Variants in DAB1 observed in about 807,000 individuals in gnomAD.
DAB1 encodes the protein disabled homolog 1.
DAB1 carries 15 observed loss-of-function variants against 64.6 expected under a neutral mutation model. The observed-to-expected ratio is 0.23, with a 90% CI of 0.16 to 0.36. DAB1 has a LOEUF of 0.36. Among genes scored for constraint, DAB1 ranks in the 10% least tolerant of loss-of-function variants. DAB1 has a pLI of 1.00. For synonymous variants in DAB1, 235 were observed against 251.9 expected (o/e 0.93, Z 0.64); for missense variants, 596 against 706.7 (o/e 0.84, Z 1.78).
At chr1:57,037,023 C>T (rs991006506) in intron 9 of DAB1, among the ~76,000 whole-genome samples, 2 of 152,166 alleles carry the variant, frequency 1.3e-5, no homozygotes, top group East Asian at 3.9e-4. Context: ...CTGTGGTTCT[C>T]ACTCCTGACT....
At chr1:57,619,068 G>A (rs975443496) in intron 7 of DAB1, among the ~76,000 whole-genome samples, 1 of 152,206 alleles carries the variant, frequency 6.6e-6, no homozygotes, top group African/African-American at 2.4e-5. Flanking sequence ...CAAACAATGT[G>A]CTCATTTTGT....
chr1:58,466,958 G>A (rs892208607), intron 3 of DAB1, among the ~76,000 whole-genome samples: 8 of 152,204 alleles, frequency 5.3e-5, no homozygotes, highest in African/African-American at 1.9e-4. Flanking sequence ...GAATGAATAT[G>A]TGAATACATG....
intron 6 of DAB1, among the ~76,000 whole-genome samples, chr1:57,715,114 A>G (rs1352499484): frequency 6.6e-6 from 1 of 152,234 alleles, no homozygotes. Context: ...GGATGCAAAG[A>G]TGGTTCAACA....
intron 7 of DAB1, among the ~76,000 whole-genome samples, chr1:57,452,335 C>T (rs1418072380): frequency 1.3e-5 from 2 of 151,924 alleles, no homozygotes; most frequent in East Asian, 3.9e-4. Context: ...TCACAAGAGA[C>T]TGATGAATAT....
At chr1:58,104,031 C>CT (rs1229292294) in intron 5 of DAB1, among the ~76,000 whole-genome samples, 2 of 152,184 alleles carry the variant, frequency 1.3e-5, no homozygotes, top group Admixed American at 1.3e-4. Flanking sequence ...TCCAAGAAGT[C>CT]TTTTTCTAGA....
chr1:57,360,856 T>C (rs1378759945), intron 1 of DAB1, among the ~76,000 whole-genome samples: 2 of 152,150 alleles, frequency 1.3e-5, no homozygotes, highest in Non-Finnish European at 2.9e-5. Flanking sequence ...GGCCCTTCAA[T>C]AACAAGTCTC....
At chr1:58,001,212 G>A (rs1646501933) in intron 5 of DAB1, among the ~76,000 whole-genome samples, 1 of 151,030 alleles carries the variant, frequency 6.6e-6, no homozygotes, top group African/African-American at 2.4e-5. Context: ...TTTTTTTCTG[G>A]TTCAGGAAAG....
chr1:58,224,550 C>T (rs932569839), intron 4 of DAB1, among the ~76,000 whole-genome samples: 1 of 152,132 alleles, frequency 6.6e-6, no homozygotes, highest in Non-Finnish European at 1.5e-5. Flanking sequence ...CTTCCAAGAT[C>T]TTGTAGACTA....
intron 2 of DAB1, among the ~76,000 whole-genome samples, chr1:57,230,915 C>T (rs185495570): frequency 5.6e-4 from 85 of 152,150 alleles, no homozygotes; most frequent in Non-Finnish European, 9.9e-4. Flanking sequence ...ACACAAGTAT[C>T]TATGTTATGA....
chr1:58,172,177 A>G (rs1196307171), intron 4 of DAB1, among the ~76,000 whole-genome samples: 1 of 152,148 alleles, frequency 6.6e-6, no homozygotes, highest in East Asian at 1.9e-4. Context: ...CCCTAGTACA[A>G]CCTCCAGCTT....
chr1:58,029,417 A>T (rs1354398857), intron 5 of DAB1, among the ~76,000 whole-genome samples: 3 of 152,200 alleles, frequency 2.0e-5, no homozygotes, highest in African/African-American at 7.2e-5. Context: ...GCCACAAAAA[A>T]ATCAACACAG....
At chr1:57,534,066 T>A (rs1214354795) in intron 7 of DAB1, among the ~76,000 whole-genome samples, 1 of 152,026 alleles carries the variant, frequency 6.6e-6, no homozygotes, top group Non-Finnish European at 1.5e-5. Context: ...GAAAAGAAGG[T>A]CTAATGCTCT....
intron 5 of DAB1, among the ~76,000 whole-genome samples, chr1:57,899,444 T>C (rs909446578): frequency 1.3e-5 from 2 of 152,156 alleles, no homozygotes; most frequent in Admixed American, 6.6e-5. Flanking sequence ...CCACAAAGAA[T>C]GATTATACCC....
intron 3 of DAB1, among the ~76,000 whole-genome samples, chr1:58,475,281 G>A (rs1285068523): frequency 6.6e-6 from 1 of 151,868 alleles, no homozygotes; most frequent in East Asian, 1.9e-4. Context: ...TCAGCCTCCC[G>A]AGTAACTGGA....
At chr1:57,571,375 C>A (rs1645192551) in intron 7 of DAB1, among the ~76,000 whole-genome samples, 1 of 152,180 alleles carries the variant, frequency 6.6e-6, no homozygotes. Flanking sequence ...CCTTACCACC[C>A]ATTTTACAGA....
At chr1:58,378,093 C>T (rs1461016992) in intron 3 of DAB1, among the ~76,000 whole-genome samples, 1 of 133,322 alleles carries the variant, frequency 7.5e-6, no homozygotes, top group Non-Finnish European at 1.6e-5. Flanking sequence ...AAATTTTTTT[C>T]AAAGTTTTCA....
chr1:58,050,516 CTTTAT>C (rs1213985726), intron 5 of DAB1, among the ~76,000 whole-genome samples: 1 of 151,886 alleles, frequency 6.6e-6, no homozygotes, highest in African/African-American at 2.4e-5. Context: ...AACCTCATTG[CTTTAT>C]TTTATTTATT....
chr1:58,454,773 A>G (rs1557768553), intron 3 of DAB1, among the ~76,000 whole-genome samples: 1 of 152,128 alleles, frequency 6.6e-6, no homozygotes, highest in Non-Finnish European at 1.5e-5. Context: ...ACAATTCTCC[A>G]CACTCAGTTT....
intron 7 of DAB1, among the ~76,000 whole-genome samples, chr1:57,623,061 C>T (rs1645880166): frequency 6.6e-6 from 1 of 152,148 alleles, no homozygotes; most frequent in African/African-American, 2.4e-5. Context: ...ATGATCATTG[C>T]TGCTTTTTTT....
Sources: allele counts gnomAD v4.1 joint callset (sites outside exome capture counted in the v4.1 genomes callset), GRCh38; gene constraint gnomAD v4.1.1; transcripts MANE v1.5; gene names NCBI Gene and HGNC (gene_info 2026-07-23, HGNC 2026-07-21).